Variants in LRP1B observed in about 807,000 individuals in gnomAD.
LRP1B encodes low-density lipoprotein receptor-related protein 1B.
In LRP1B, 217 loss-of-function variants were observed where a neutral mutation model predicts 556.6. The observed-to-expected ratio is 0.39, with a 90% CI of 0.35 to 0.44. The LOEUF (loss-of-function observed/expected upper bound fraction) is 0.44. Among genes scored for constraint, LRP1B ranks in the 20% least tolerant of loss-of-function variants. LRP1B has a pLI of 1.00. For missense variants in LRP1B, 5,053 were observed against 5,620.8 expected, an observed-to-expected ratio of 0.90 and a Z score of 3.23; for synonymous variants, 2,047 against 1,865.8, an observed-to-expected ratio of 1.10 and a Z score of -2.50.
intron 1 of LRP1B, among the ~76,000 whole-genome samples, chr2:142,026,727 G>T (rs1703519488): frequency 6.6e-6 from 1 of 152,102 alleles, no homozygotes; most frequent in African/African-American, 2.4e-5. Context: ...AATGTGTATT[G>T]CCCAGACTTA....
At chr2:140,798,348 A>T (rs1690388565) in intron 32 of LRP1B, among the ~76,000 whole-genome samples, 1 of 152,176 alleles carries the variant, frequency 6.6e-6, no homozygotes, top group South Asian at 2.1e-4. Context: ...ATTAAATTAC[A>T]TTTAAAAGAA....
At chr2:142,065,222 A>G (rs1217180530) in intron 1 of LRP1B, among the ~76,000 whole-genome samples, 3 of 151,474 alleles carry the variant, frequency 2.0e-5, no homozygotes, top group East Asian at 3.9e-4. Context: ...AAAACACAAA[A>G]TTATTATCTT....
intron 41 of LRP1B, among the ~76,000 whole-genome samples, chr2:140,682,746 A>G (rs186743381): frequency 1.1e-4 from 16 of 152,002 alleles, no homozygotes; most frequent in African/African-American, 3.6e-4. Flanking sequence ...CCTGAAGTAT[A>G]TAGCATGTGA....
chr2:141,301,783 T>C (rs1033474225), intron 3 of LRP1B, among the ~76,000 whole-genome samples: 1 of 152,180 alleles, frequency 6.6e-6, no homozygotes, highest in Non-Finnish European at 1.5e-5. Flanking sequence ...TTTGCAGACA[T>C]GGAAGGAGCC....
chr2:141,967,331 G>A (rs995194025), intron 1 of LRP1B, among the ~76,000 whole-genome samples: 5 of 151,788 alleles, frequency 3.3e-5, no homozygotes, highest in African/African-American at 1.2e-4. Context: ...AAATTATAAT[G>A]CTATAATGAC....
chr2:141,304,631 C>T (rs1200410212), intron 3 of LRP1B, among the ~76,000 whole-genome samples: 2 of 151,466 alleles, frequency 1.3e-5, no homozygotes, highest in African/African-American at 4.8e-5. Context: ...AGGCATGCAC[C>T]ACCACACCCA....
At chr2:140,778,392 A>T (rs1045295686) in intron 32 of LRP1B, among the ~76,000 whole-genome samples, 9 of 152,218 alleles carry the variant, frequency 5.9e-5, no homozygotes, top group Non-Finnish European at 1.0e-4. Context: ...TCAAATGAAG[A>T]TTAGAGTGTT....
At position 141,872,413 on chromosome 2, in the gene LRP1B, T is replaced by C. The variant is rs576827168; in HGVS notation, c.83-62012A>G. The stretch of plus-strand genomic sequence containing the variant: ...AGGACAGATTTGACTTAAATAATAA[T>C]AAAGAGCATTTAGCAACACAATAGA... On this transcript the variant is annotated intron_variant, in intron 1 of 90. Transcript: ENST00000389484. 1.1e-3 allele frequency among the ~76,000 whole-genome samples: 173 copies of C among 151,636 alleles called. 1 individual carries two copies. Among genetic ancestry groups the C allele is most frequent in the African/African-American group, 4.0e-3 (167 of 41,388 alleles).
chr2:141,143,170 C>T (rs1701699002), intron 7 of LRP1B, among the ~76,000 whole-genome samples: 1 of 152,078 alleles, frequency 6.6e-6, no homozygotes, highest in African/African-American at 2.4e-5. Flanking sequence ...ACCTCGTGAT[C>T]CACCCCACTC....
At chr2:141,677,364 T>C (rs1178336049) in intron 2 of LRP1B, among the ~76,000 whole-genome samples, 1 of 152,312 alleles carries the variant, frequency 6.6e-6, no homozygotes, top group East Asian at 1.9e-4. Flanking sequence ...AAGTTTGTCA[T>C]TGAAATTCTA....
chr2:140,680,208 A>G (rs993460387), intron 41 of LRP1B, among the ~76,000 whole-genome samples: 3 of 152,084 alleles, frequency 2.0e-5, no homozygotes, highest in Non-Finnish European at 4.4e-5. Context: ...ATTAAATGAA[A>G]CACTCCTGCT....
At chr2:141,795,235 G>A (rs1695763031) in intron 2 of LRP1B, among the ~76,000 whole-genome samples, 1 of 152,040 alleles carries the variant, frequency 6.6e-6, no homozygotes, top group Admixed American at 6.6e-5. Context: ...CTTTCTGTAA[G>A]TTAAGCAAGG....
rs774580061 is a variant in LRP1B at position 140,351,049 on chromosome 2, TTATAA to T, written c.11651-16_11651-12del. 6.6e-7 allele frequency: 1 copy of T among 1,512,690 alleles called. No individual in the cohort carries two copies. Among genetic ancestry groups the T allele is most frequent in the Admixed American group, 2.1e-5 (1 of 46,796 alleles). The allele number at this position is 1,512,690 out of a possible 1,614,324, so 93.7% of individuals were successfully genotyped here. On this transcript the variant is annotated splice_polypyrimidine_tract_variant and intron_variant, in intron 76 of 90. Coordinates refer to ENST00000389484, the MANE Select transcript of LRP1B (RefSeq NM_018557.3). ...CTTGATCTTCAGAGCCTGGAGATTA[TTATAA>T]TAAAATACAAAAATAAAGTAAATTT...
At chr2:141,326,710 A>G (rs1687444181) in intron 3 of LRP1B, among the ~76,000 whole-genome samples, 1 of 152,134 alleles carries the variant, frequency 6.6e-6, no homozygotes, top group African/African-American at 2.4e-5. Context: ...TACAACGTAC[A>G]AGGAAGTCCC....
chr2:141,160,402 G>T (rs936340479), intron 7 of LRP1B, among the ~76,000 whole-genome samples: 1 of 151,938 alleles, frequency 6.6e-6, no homozygotes, highest in Non-Finnish European at 1.5e-5. Flanking sequence ...ACACTCCTAG[G>T]TATTTATCCT....
intron 59 of LRP1B, among the ~76,000 whole-genome samples, chr2:140,479,333 GC>G (rs1688122451): frequency 6.6e-6 from 1 of 151,678 alleles, no homozygotes; most frequent in Non-Finnish European, 1.5e-5. Flanking sequence ...AATAATTAAA[GC>G]TAAAAATGAC....
chr2:140,285,058 C>A (rs189060631), intron 84 of LRP1B, among the ~76,000 whole-genome samples: 3,031 of 147,488 alleles, frequency 0.021, 37 homozygotes, highest in African/African-American at 0.029. Context: ...ATCTATATAC[C>A]TATCTATATA....
intron 5 of LRP1B, among the ~76,000 whole-genome samples, chr2:141,246,097 A>T (rs1573706152): frequency 6.6e-6 from 1 of 152,338 alleles, no homozygotes; most frequent in East Asian, 1.9e-4. Context: ...CTATAAAGAA[A>T]ATAAAACTGG....
chr2:142,060,131 T>C (rs1001400751), intron 1 of LRP1B, among the ~76,000 whole-genome samples: 1 of 152,078 alleles, frequency 6.6e-6, no homozygotes, highest in Non-Finnish European at 1.5e-5. Flanking sequence ...TAAATTCAAA[T>C]GCTTGAAGAA....
Sources: gnomAD v4.1 joint callset for allele counts (sites outside exome capture counted in the v4.1 genomes callset) on GRCh38, gnomAD v4.1.1 for gene constraint, MANE v1.5 for transcripts, NCBI Gene and HGNC (gene_info 2026-07-23, HGNC 2026-07-21) for gene names.